MRTFB: variants seen among roughly 807,000 people sequenced by gnomAD.
MRTFB encodes myocardin-related transcription factor B.
A neutral mutation model predicts 104.2 loss-of-function variants in MRTFB; 29 were observed. That is an observed-to-expected ratio of 0.28 (90% confidence interval 0.21 to 0.38). MRTFB has a LOEUF of 0.38. Ranked by LOEUF, MRTFB falls within the 10% of genes least tolerant of loss-of-function variation. MRTFB has a pLI of 1.00. For synonymous variants in MRTFB, 535 were observed against 519.5 expected (o/e 1.03, Z -0.41); for missense variants, 1,270 against 1,341.6 (o/e 0.95, Z 0.83).
chr16:14,250,781 G>A (rs921563848), intron 13 of MRTFB, among the ~76,000 whole-genome samples: 6 of 152,198 alleles, frequency 3.9e-5, no homozygotes, highest in Non-Finnish European at 8.8e-5. Context: ...GTGAAGGCCA[G>A]GCGCAGGACA....
At chr16:14,057,064 A>G in the MRTFB span, among the ~76,000 whole-genome samples, 1 of 152,218 alleles carries the variant, frequency 6.6e-6, no homozygotes. Flanking sequence ...GACAGAGGCT[A>G]CAGGAAAGAG....
At chr16:14,031,503 T>G in the MRTFB span, among the ~76,000 whole-genome samples, 85 of 152,166 alleles carry the variant, frequency 5.6e-4, no homozygotes, top group African/African-American at 1.8e-3. Flanking sequence ...GCACATCAGA[T>G]CCATGATTAA....
At chr16:14,190,807 C>T (rs2040146408) in intron 3 of MRTFB, among the ~76,000 whole-genome samples, 1 of 152,214 alleles carries the variant, frequency 6.6e-6, no homozygotes, top group African/African-American at 2.4e-5. Flanking sequence ...GGGACCTGGG[C>T]TCCTGTCATT....
intron 2 of MRTFB, among the ~76,000 whole-genome samples, chr16:14,123,406 G>C (rs1262649299): frequency 6.6e-6 from 1 of 152,044 alleles, no homozygotes; most frequent in Non-Finnish European, 1.5e-5. Flanking sequence ...GAATTTTTAT[G>C]GTTTTAGGTC....
At chr16:14,004,322 G>A in the MRTFB span, among the ~76,000 whole-genome samples, 1 of 152,330 alleles carries the variant, frequency 6.6e-6, no homozygotes, top group South Asian at 2.1e-4. Context: ...AGGACCACAG[G>A]TTAATCAGGG....
At chr16:14,157,121 G>A (rs2038857593) in intron 3 of MRTFB, among the ~76,000 whole-genome samples, 1 of 152,086 alleles carries the variant, frequency 6.6e-6, no homozygotes, top group African/African-American at 2.4e-5. Context: ...TATCAATGAA[G>A]GTAGAAATCT....
intron 2 of MRTFB, among the ~76,000 whole-genome samples, chr16:14,126,641 T>C (rs986096158): frequency 1.3e-5 from 2 of 152,232 alleles, no homozygotes; most frequent in Non-Finnish European, 1.5e-5. Flanking sequence ...TTCATAGCTC[T>C]GCTGTGCGCC....
intron 1 of MRTFB, among the ~76,000 whole-genome samples, chr16:14,075,755 A>G (rs1266588150): frequency 6.6e-6 from 1 of 152,184 alleles, no homozygotes; most frequent in Admixed American, 6.5e-5. Context: ...GCTCGATTGG[A>G]GGAAACAAAA....
intron 3 of MRTFB, among the ~76,000 whole-genome samples, chr16:14,203,958 G>A (rs1485678728): frequency 2.0e-5 from 3 of 151,844 alleles, no homozygotes; most frequent in African/African-American, 7.3e-5. Context: ...GTTTTGTTTT[G>A]TGTGTTTATT....
chr16:14,224,257 GAT>G (rs2041894100), intron 8 of MRTFB, among the ~76,000 whole-genome samples: 1 of 151,930 alleles, frequency 6.6e-6, no homozygotes, highest in Non-Finnish European at 1.5e-5. Context: ...ATTTGGTCAT[GAT>G]TCAAATTATA....
At chr16:14,074,489 T>C (rs1485952053) in intron 1 of MRTFB, among the ~76,000 whole-genome samples, 1 of 152,222 alleles carries the variant, frequency 6.6e-6, no homozygotes, top group Admixed American at 6.5e-5. Flanking sequence ...AAATGAATAC[T>C]ATGCACATAT....
intron 1 of MRTFB, among the ~76,000 whole-genome samples, chr16:14,076,163 A>T (rs2034037441): frequency 1.3e-5 from 2 of 151,772 alleles, no homozygotes; most frequent in South Asian, 4.2e-4. Context: ...ACATACCTTC[A>T]TATTAGTATA....
In MRTFB at chr16:14,251,918, C is replaced by A; in HGVS notation, c.2460C>A (p.Ala820=). Residue 820 remains alanine (A), a synonymous_variant, in exon 14 of 17, where the codon GCC becomes GCA. Transcript: ENST00000571589. Reference sequence around the variant, plus strand: ...TTCTTCCATATCAGAGACATCCTGCCCCAGCTGTCCAGCAGCCCTTTATCA... The same window carrying A: ...TTCTTCCATATCAGAGACATCCTGCACCAGCTGTCCAGCAGCCCTTTATCA... ...NTVLPYQRHP[A]PAVQQPFINK... 1 of 1,614,156 alleles carries A rather than the reference C, an allele frequency of 6.2e-7. No homozygotes were observed. The highest frequency in any genetic ancestry group is 1.6e-4 in the Middle Eastern group (1 of 6,062).
At chr16:14,187,064 C>T in intron 3 of MRTFB, 2 of 1,568,712 alleles carry the variant, frequency 1.3e-6, no homozygotes, top group Non-Finnish European at 1.7e-6. Context: ...AGGGGCAAAA[C>T]TGCCAAATTC....
At chr16:14,227,211 AG>A (rs1269197845) in intron 8 of MRTFB, among the ~76,000 whole-genome samples, 1 of 152,088 alleles carries the variant, frequency 6.6e-6, no homozygotes. Context: ...CCTCATGAAT[AG>A]ATTAACAGCC....
At chr16:14,205,076 T>A (rs1366586745) in intron 3 of MRTFB, among the ~76,000 whole-genome samples, 1 of 152,184 alleles carries the variant, frequency 6.6e-6, no homozygotes, top group Non-Finnish European at 1.5e-5. Context: ...TACAGAGTGA[T>A]CGGAGTATGT....
chr16:14,136,267 CTG>C (rs977969477), intron 2 of MRTFB, among the ~76,000 whole-genome samples: 3 of 151,500 alleles, frequency 2.0e-5, no homozygotes, highest in African/African-American at 7.3e-5. Context: ...GAGCGAGACT[CTG>C]TCTCAAAAAA....
At chr16:14,122,422 T>C (rs1378928893) in intron 2 of MRTFB, among the ~76,000 whole-genome samples, 1 of 152,154 alleles carries the variant, frequency 6.6e-6, no homozygotes, top group African/African-American at 2.4e-5. Context: ...CTCCTAATGC[T>C]ATCCCTCCCC....
chr16:14,089,599 A>C (rs751466900), intron 2 of MRTFB, among the ~76,000 whole-genome samples: 5 of 152,270 alleles, frequency 3.3e-5, no homozygotes, highest in Non-Finnish European at 7.4e-5. Flanking sequence ...TTTGCATATA[A>C]ATTTTCTAGT....
Sources: allele counts gnomAD v4.1 joint callset (sites outside exome capture counted in the v4.1 genomes callset), GRCh38; gene constraint gnomAD v4.1.1; transcripts MANE v1.5; gene names NCBI Gene and HGNC (gene_info 2026-07-23, HGNC 2026-07-21).